Variants in TONSL observed in about 807,000 individuals in gnomAD.
The protein encoded by TONSL is tonsoku like, DNA repair protein.
In TONSL, 112 loss-of-function variants were observed where a neutral mutation model predicts 147.1. The observed-to-expected ratio is 0.76, with a 90% confidence interval of 0.65 to 0.89. TONSL has a LOEUF of 0.89. Among genes scored for constraint, TONSL ranks in the 40% least tolerant of loss-of-function variants. The pLI, the probability that TONSL is intolerant of heterozygous loss-of-function variation, is 0.00. For synonymous variants in TONSL, 868 were observed against 801.5 expected (o/e 1.08, Z -1.40); for missense variants, 1,883 against 1,864.6 (o/e 1.01, Z -0.18).
At chr8:144,436,503 C>G (rs1421212629) in intron 16 of TONSL, 55 bp downstream of exon 16, 1 of 1,583,560 alleles carries the variant, frequency 6.3e-7, no homozygotes, top group Non-Finnish European at 8.6e-7. Context: ...AATCAGGGCC[C>G]GGGGACTCTC....
intron 7 of TONSL, chr8:144,441,817 C>A: frequency 1.9e-6 from 1 of 523,738 alleles, no homozygotes; most frequent in Non-Finnish European, 3.4e-6. Flanking sequence ...TTTCATTGCC[C>A]CTGACACACT....
chr8:144,438,183 A>T, intron 13 of TONSL: 1 of 493,056 alleles, frequency 2.0e-6, no homozygotes, highest in Non-Finnish European at 3.7e-6. Flanking sequence ...TTACAGGCAT[A>T]AGCCACCCCG....
In TONSL at chr8:144,444,182, T is replaced by A; in HGVS notation, c.119A>T (p.His40Leu). The A allele has an allele frequency of 6.9e-7, 1 of 1,445,292 alleles. No homozygotes were observed. The highest frequency in any genetic ancestry group is 1.3e-5 in the South Asian group (1 of 74,258). The allele number at this position is 1,445,292 out of a possible 1,614,324, so 89.5% of individuals were successfully genotyped here. The change falls in exon 2 of 26, where the codon CAT becomes CTT. Residue 40 changes from histidine to leucine, a missense_variant and splice_region_variant. By Grantham distance (99) the His-to-Leu change is moderately conservative. Coordinates refer to ENST00000409379, the MANE Select transcript of TONSL (RefSeq NM_013432.5). The part of the protein sequence containing the change: ...CHQLGELLAG[H>L]GRYAEALEQH... ...CGCCTCCTGGTCCCGGCGCTCACCA[T>A]GGCCGGCCAGGAGCTCCCCCAGCTG...
chr8:144,431,323 T>C (rs782444434), intron 23 of TONSL, among the ~76,000 whole-genome samples, 172 bp from the exon 24 acceptor site: 1 of 152,032 alleles, frequency 6.6e-6, no homozygotes, highest in Non-Finnish European at 1.5e-5. Flanking sequence ...CACGTGATAG[T>C]GTGAAAATAA....
In TONSL at chr8:144,435,507, T is replaced by C; in HGVS notation, c.2819A>G (p.Gln940Arg). ...GACAGGGATGAGGAAGAGATGATCC[T>C]GAACTTGAACTCGAACCCGGATGGG... ...PPPIRVRVQV[Q>R]DHLFLIPVPH... Residue 940 changes from glutamine (Q) to arginine (R), a missense_variant, in exon 18 of 26, where the codon CAG (glutamine) becomes CGG (arginine). Physicochemically the swap from Gln to Arg is conservative, Grantham distance 43. Transcript: ENST00000409379. 6.5e-7 allele frequency: 1 copy of C among 1,549,464 alleles called. No individual in the cohort carries two copies. Among genetic ancestry groups the C allele is most frequent in the African/African-American group, 1.4e-5 (1 of 73,168 alleles).
At chr8:144,439,982 A>T in intron 11 of TONSL, 39 bp downstream of exon 11, 1 of 858,558 alleles carries the variant, frequency 1.2e-6, no homozygotes. Flanking sequence ...CCCGGCCCAG[A>T]GCAGGCCCAG....
chr8:144,442,107 C>G lies in TONSL; in HGVS notation c.795G>C (p.Leu265=), dbSNP rs1205810837. 2.5e-6 allele frequency: 4 copies of G among 1,612,756 alleles called. No homozygotes were observed. Among genetic ancestry groups the G allele is most frequent in the Non-Finnish European group, 3.4e-6 (4 of 1,179,880 alleles). Reference sequence around the variant, plus strand: ...GGGAGCCCAGCCTGTAGGCCTTCTTCAGGGCTCGCTTGGCAGCCAAAAAGT... The same window carrying G: ...GGGAGCCCAGCCTGTAGGCCTTCTTGAGGGCTCGCTTGGCAGCCAAAAAGT... The part of the protein sequence containing the change: ...LGDFLAAKRA[L]KKAYRLGSQK... The change falls in exon 7 of 26, where the codon CTG becomes CTC. Residue 265 remains leucine, a synonymous_variant. Transcript: ENST00000409379.
chr8:144,444,268 G>C lies in TONSL; in HGVS notation c.33C>G (p.Ser11Arg). ...CCCTCTGCGCCTTGGCTTTCGCCTT[G>C]CTCAGCTCTGTGGGAGGAAGAGGAG... is the stretch of plus-strand genomic sequence containing the variant. Reference protein sequence around the residue: MSLERELRQLSKAKAKAQRAG... With the variant: MSLERELRQLRKAKAKAQRAG... The change falls in exon 2 of 26, where the codon AGC becomes AGG. Residue 11 changes from serine to arginine, a missense_variant. By Grantham distance (110) the Ser-to-Arg change is moderately radical. Transcript: ENST00000409379. 3 of 1,447,336 alleles carry C rather than the reference G, an allele frequency of 2.1e-6. No homozygotes were observed. Among genetic ancestry groups the C allele is most frequent in the Admixed American group, 2.5e-5 (1 of 40,024 alleles). 89.7% of individuals were successfully genotyped at this position (1,447,336 alleles called of 1,614,324 possible).
At chr8:144,443,358 C>G in intron 3 of TONSL, 37 bp from the exon 4 acceptor site, 3 of 1,525,922 alleles carry the variant, frequency 2.0e-6, no homozygotes, top group Non-Finnish European at 2.7e-6. Flanking sequence ...TGAGCCGACT[C>G]CGCCTCAAGC....
chr8:144,435,358 C>T (rs1586686542), intron 18 of TONSL, 116 bp downstream of exon 18: 1 of 1,235,762 alleles, frequency 8.1e-7, no homozygotes, highest in Middle Eastern at 2.5e-4. Flanking sequence ...GCCACAGGAT[C>T]CTCCTGGAAC....
chr8:144,444,328 C>T, intron 1 of TONSL, 53 bp from the exon 2 acceptor site: 1 of 1,328,238 alleles, frequency 7.5e-7, no homozygotes, highest in South Asian at 1.9e-5. Context: ...GGGGCCGGGG[C>T]CGAGTCCCAA....
rs782541706 is a variant in TONSL, at chr8:144,433,730, G to T, written c.3417C>A (p.Asn1139Lys). 6.3e-7 allele frequency: 1 copy of T among 1,599,130 alleles called. No homozygotes were observed. The highest frequency in any genetic ancestry group is 8.5e-7 in the Non-Finnish European group (1 of 1,173,440). Reference protein sequence around the residue: ...QSLEELDLSMNPLGDGCGQSL... With the variant: ...QSLEELDLSMKPLGDGCGQSL... ...ACTGGCCACAGCCGTCCCCCAGGGGGTTCATGCTTAAGTCCAGCTCCTCCA... is the reference window on the plus strand; with the variant it reads ...ACTGGCCACAGCCGTCCCCCAGGGGTTTCATGCTTAAGTCCAGCTCCTCCA... Residue 1139 changes from asparagine to lysine, a missense_variant, in exon 22 of 26, where the codon AAC (asparagine) becomes AAA (lysine). Coordinates refer to ENST00000409379, the MANE Select transcript of TONSL (RefSeq NM_013432.5).
chr8:144,443,152 T>A lies in TONSL; in HGVS notation c.434A>T (p.Asp145Val). Residue 145 changes from aspartate (D) to valine (V), a missense_variant, in exon 4 of 26, where the codon GAT becomes GTT. Asp to Val is a radical substitution (Grantham distance 152). Transcript: ENST00000409379. ...AAFEKSLAIV[D>V]EELEGTLAQG... Reference sequence around the variant, plus strand: ...GGTCTGCCCACCCTCCAGCTCCTCATCCACAATAGCCAAGCTCTTCTCAAA... The same window carrying A: ...GGTCTGCCCACCCTCCAGCTCCTCAACCACAATAGCCAAGCTCTTCTCAAA... 6.4e-7 allele frequency: 1 copy of A among 1,550,464 alleles called. No individual in the cohort carries two copies. The highest frequency in any genetic ancestry group is 8.7e-7 in the Non-Finnish European group (1 of 1,146,870).
intron 4 of TONSL, 30 bp downstream of exon 4, chr8:144,443,108 G>A: frequency 2.6e-6 from 4 of 1,541,420 alleles, no homozygotes; most frequent in Non-Finnish European, 2.6e-6. Flanking sequence ...CGAAGTTCAG[G>A]AGGCAGAAAA....
intron 11 of TONSL, among the ~76,000 whole-genome samples, chr8:144,439,249 C>T (rs924964335): frequency 6.6e-6 from 1 of 152,278 alleles, no homozygotes; most frequent in South Asian, 2.1e-4. Context: ...CCCCTCATCA[C>T]CACGCCCTTC....
chr8:144,443,069 G>T (rs541781044), intron 4 of TONSL, 69 bp downstream of exon 4: 1 of 1,496,184 alleles, frequency 6.7e-7, no homozygotes, highest in South Asian at 1.3e-5. Flanking sequence ...AGGAGGCTGC[G>T]GGGGTGCTGG....
chr8:144,441,935 G>T, intron 7 of TONSL, 102 bp downstream of exon 7: 1 of 988,080 alleles, frequency 1.0e-6, no homozygotes, highest in Non-Finnish European at 1.5e-6. Flanking sequence ...GGCCTCCTCT[G>T]TGAGGGAGAG....
chr8:144,436,057 G>T lies in TONSL; in HGVS notation c.2376C>A (p.Tyr792Ter). 6.4e-7 allele frequency: 1 copy of T among 1,574,354 alleles called. No individual in the cohort carries two copies. The highest frequency in any genetic ancestry group is 8.6e-7 in the Non-Finnish European group (1 of 1,167,018). ...AATASTSRAA[Y>*]QAAIRGVGSA... ...TGCCCACACCCCGGATGGCTGCCTGGTAGGCTGCCCGGCTGGTGCTGGCTG... is the reference window on the plus strand; with the variant it reads ...TGCCCACACCCCGGATGGCTGCCTGTTAGGCTGCCCGGCTGGTGCTGGCTG... Residue 792 changes from tyrosine (Y) to a stop codon, truncating the protein, a stop_gained, in exon 17 of 26, where the codon TAC becomes TAA. Coordinates refer to ENST00000409379, the MANE Select transcript of TONSL (RefSeq NM_013432.5). LOFTEE classifies it high-confidence loss of function.
Position 144,436,366 on chromosome 8 carries a change from G to A in TONSL, c.2067C>T (p.Pro689=), listed in dbSNP as rs1169780057. 1.3e-5 allele frequency: 19 copies of A among 1,503,140 alleles called. No individual in the cohort carries two copies. Among genetic ancestry groups the A allele is most frequent in the Middle Eastern group, 3.6e-4 (2 of 5,616 alleles). The allele number at this position is 1,503,140 out of a possible 1,614,324, so 93.1% of individuals were successfully genotyped here. The part of the protein sequence containing the change: ...FHTPSSLLFD[P]ETSPPLSPCP... Reference sequence around the variant, plus strand: ...AGGGGCTCAAAGGAGGAGAGGTCTCGGGGTCAAACAGAAGGCTGCTTGGGG... The same window carrying A: ...AGGGGCTCAAAGGAGGAGAGGTCTCAGGGTCAAACAGAAGGCTGCTTGGGG... Residue 689 remains proline, a synonymous_variant, in exon 17 of 26, where the codon CCC becomes CCT. Transcript: ENST00000409379.
Sources: allele counts gnomAD v4.1 joint callset (sites outside exome capture counted in the v4.1 genomes callset), GRCh38; gene constraint gnomAD v4.1.1; transcripts MANE v1.5; gene names NCBI Gene and HGNC (gene_info 2026-07-23, HGNC 2026-07-21).